The following HDAC9 variants were observed in gnomAD, a reference collection of about 807,000 sequenced individuals.
HDAC9 encodes MEF-2 interacting transcription repressor (MITR) protein.
Under a neutral mutation model 139.4 loss-of-function variants are expected in HDAC9, and 41 were observed. The ratio of observed to expected loss-of-function variants is 0.29; its 90% CI spans 0.23 to 0.38. The LOEUF is 0.38. Among genes scored for constraint, HDAC9 ranks in the 10% least tolerant of loss-of-function variants. The pLI is 1.00. For missense variants in HDAC9, 1,147 were observed against 1,297.0 expected (o/e 0.88, Z 1.78); for synonymous variants, 517 against 476.2 (o/e 1.09, Z -1.12).
chr7:18,566,424 T>C (rs1822375219), intron 2 of HDAC9, among the ~76,000 whole-genome samples: 2 of 152,232 alleles, frequency 1.3e-5, no homozygotes, highest in Non-Finnish European at 2.9e-5. Flanking sequence ...TGGTGGTTAT[T>C]GATTTACCCA....
chr7:18,095,098 G>A (rs1221380667), intron 1 of HDAC9, among the ~76,000 whole-genome samples: 3 of 152,180 alleles, frequency 2.0e-5, no homozygotes, highest in South Asian at 4.2e-4. Flanking sequence ...TGATCATCTC[G>A]TAGCGAAAAT....
intron 2 of HDAC9, among the ~76,000 whole-genome samples, chr7:18,204,332 CT>C (rs35479287): frequency 0.21 from 23,865 of 115,822 alleles, 1,726 homozygotes; most frequent in South Asian, 0.34. Context: ...TTGAATCTGC[CT>C]TTTTTTTTTT....
intron 2 of HDAC9, among the ~76,000 whole-genome samples, chr7:18,534,546 A>G (rs1810210793): frequency 6.6e-6 from 1 of 151,810 alleles, no homozygotes; most frequent in South Asian, 2.1e-4. Flanking sequence ...GACCTTGTCT[A>G]AAAAAAAATT....
chr7:18,704,715 T>G (rs1041001896), intron 12 of HDAC9, among the ~76,000 whole-genome samples: 5 of 152,164 alleles, frequency 3.3e-5, no homozygotes, highest in Non-Finnish European at 7.3e-5. Context: ...ATTTTAAACA[T>G]CTGAGGAGCA....
At chr7:18,490,183 A>G (rs1309775621) in intron 1 of HDAC9, among the ~76,000 whole-genome samples, 13 of 152,044 alleles carry the variant, frequency 8.6e-5, no homozygotes, top group Non-Finnish European at 8.8e-5. Context: ...ATCTCATCTT[A>G]TGGTTCTCAA....
intron 23 of HDAC9, among the ~76,000 whole-genome samples, chr7:18,941,569 G>C (rs1183875015): frequency 6.6e-6 from 1 of 152,156 alleles, no homozygotes; most frequent in Non-Finnish European, 1.5e-5. Flanking sequence ...CTGAAGCTTA[G>C]TCCATTGGGG....
intron 19 of HDAC9, 35 bp from the exon 20 acceptor site, chr7:18,835,432 G>A: frequency 6.3e-7 from 1 of 1,595,406 alleles, no homozygotes; most frequent in South Asian, 1.1e-5. Flanking sequence ...AGTTAGACAT[G>A]ACTGTATTTG....
intron 1 of HDAC9, among the ~76,000 whole-genome samples, chr7:18,128,672 A>G (rs1784821606): frequency 6.6e-6 from 1 of 152,086 alleles, no homozygotes; most frequent in Admixed American, 6.6e-5. Flanking sequence ...AGATTTGACT[A>G]CAGACAAAAC....
intron 2 of HDAC9, among the ~76,000 whole-genome samples, chr7:18,170,012 C>G (rs1788300329): frequency 6.6e-6 from 1 of 152,166 alleles, no homozygotes; most frequent in Non-Finnish European, 1.5e-5. Context: ...ACTTCTAGTT[C>G]TAGATCCTTG....
intron 2 of HDAC9, among the ~76,000 whole-genome samples, chr7:18,216,947 CT>C (rs951080424): frequency 2.6e-5 from 4 of 151,808 alleles, no homozygotes; most frequent in African/African-American, 7.3e-5. Flanking sequence ...GAGGAAGGGA[CT>C]TTTTTTTAAA....
At chr7:18,952,030 A>G (rs1404105772) in intron 23 of HDAC9, among the ~76,000 whole-genome samples, 1 of 151,970 alleles carries the variant, frequency 6.6e-6, no homozygotes, top group Non-Finnish European at 1.5e-5. Flanking sequence ...GAAATTTCTG[A>G]ATTCAGCTCT....
At chr7:18,608,907 A>G (rs749940447) in intron 6 of HDAC9, among the ~76,000 whole-genome samples, 12 of 152,178 alleles carry the variant, frequency 7.9e-5, no homozygotes, top group African/African-American at 1.2e-4. Context: ...TTCTTGAGGA[A>G]CTACTATTTC....
At chr7:18,501,533 T>G (rs889039127) in intron 2 of HDAC9, among the ~76,000 whole-genome samples, 1 of 152,238 alleles carries the variant, frequency 6.6e-6, no homozygotes, top group African/African-American at 2.4e-5. Context: ...TAAATCTGCT[T>G]AATTCAGTTA....
intron 5 of HDAC9, among the ~76,000 whole-genome samples, chr7:18,593,298 C>A (rs1831508512): frequency 6.6e-6 from 1 of 151,950 alleles, no homozygotes; most frequent in Non-Finnish European, 1.5e-5. Flanking sequence ...TATTCTCCAG[C>A]AGCACAGTTG....
chr7:18,596,138 T>G (rs868860971), intron 6 of HDAC9, among the ~76,000 whole-genome samples: 34 of 151,996 alleles, frequency 2.2e-4, no homozygotes, highest in African/African-American at 7.3e-4. Flanking sequence ...CCTTTTATGT[T>G]GAAAATCTGA....
chr7:18,958,412 C>T (rs1248444886), intron 24 of HDAC9, among the ~76,000 whole-genome samples: 5 of 152,180 alleles, frequency 3.3e-5, no homozygotes, highest in African/African-American at 1.2e-4. Context: ...GATGTTAGCA[C>T]TCCCATGTAC....
intron 1 of HDAC9, among the ~76,000 whole-genome samples, chr7:18,488,432 A>G (rs539205992): frequency 2.0e-5 from 3 of 152,148 alleles, no homozygotes; most frequent in South Asian, 2.1e-4. Context: ...TATATGAAAC[A>G]TTAGTTTTAG....
At chr7:18,850,137 A>ATGGAAG (rs1797182101) in intron 21 of HDAC9, among the ~76,000 whole-genome samples, 1 of 152,092 alleles carries the variant, frequency 6.6e-6, no homozygotes, top group Non-Finnish European at 1.5e-5. Flanking sequence ...CATTATTTAC[A>ATGGAAG]TGGAAGCATT....
intron 1 of HDAC9, among the ~76,000 whole-genome samples, chr7:18,324,105 A>G (rs913532385): frequency 6.6e-6 from 1 of 151,972 alleles, no homozygotes; most frequent in Non-Finnish European, 1.5e-5. Context: ...AAGCTTCAAC[A>G]TATGAATGCT....
Sources: gnomAD v4.1 joint callset for allele counts (sites outside exome capture counted in the v4.1 genomes callset) on GRCh38, gnomAD v4.1.1 for gene constraint, MANE v1.5 for transcripts, NCBI Gene and HGNC (gene_info 2026-07-23, HGNC 2026-07-21) for gene names.